ARID1B: variants seen among roughly 807,000 people sequenced by gnomAD.
ARID1B encodes AT-rich interaction domain 1B.
Under a neutral mutation model 212.3 loss-of-function variants are expected in ARID1B, and 30 were observed. The ratio of observed to expected loss-of-function variants is 0.14; its 90% CI spans 0.11 to 0.19. The LOEUF (loss-of-function observed/expected upper bound fraction) is 0.19. ARID1B is among the 10% of genes least tolerant of loss of function. The pLI, the probability that ARID1B is intolerant of heterozygous loss-of-function variation, is 1.00. For missense variants in ARID1B, 2,891 were observed against 3,204.0 expected (o/e 0.90, Z 2.36); for synonymous variants, 1,402 against 1,301.7 (o/e 1.08, Z -1.66).
At position 157,198,926 on chromosome 6, in the gene ARID1B, G is replaced by A. The variant is rs142594004; in HGVS notation, c.4479+19G>A. The A allele has an allele frequency of 2.5e-3, 3,887 of 1,566,502 alleles. 68 individuals are homozygous for A. The African/African-American group carries it at 0.04, about 16-fold the overall frequency. On this transcript the variant is annotated intron_variant, in intron 17 of 19. Transcript: ENST00000636930. ...GCAGCCGGTGAGTTGGCAAGTGGGC[G>A]TGGGGTGCTGTGTTTTCTGGTTCTG...
chr6:156,778,785 T>C lies in ARID1B; in HGVS notation c.1105T>C (p.Ser369Pro). 6.7e-7 allele frequency: 1 copy of C among 1,484,394 alleles called. No homozygotes were observed. The highest frequency in any genetic ancestry group is 1.5e-5 in the African/African-American group (1 of 65,664). 92.0% of individuals were successfully genotyped at this position (1,484,394 alleles called of 1,614,324 possible). A position where few individuals can be genotyped will look rare whatever the true frequency, so the allele number is the denominator to read the frequency against. The part of the protein sequence containing the change: ...APGSMDPLQN[S>P]HEGYPNSQCN... ...CGGCAGCATGGACCCCCTGCAGAACTCCCACGAAGGGTACCCCAACAGCCA... is the reference window on the plus strand; with the variant it reads ...CGGCAGCATGGACCCCCTGCAGAACCCCCACGAAGGGTACCCCAACAGCCA... The change falls in exon 1 of 20, where the codon TCC (serine) becomes CCC (proline). Residue 369 changes from serine to proline, a missense_variant. This residue lies in a region of ARID1B where 1,643 missense variants were observed against 1,544.0 expected (regional missense o/e 1.06). Transcript: ENST00000636930.
intron 4 of ARID1B, among the ~76,000 whole-genome samples, chr6:157,039,866 C>CTTTTCT (rs1205999132): frequency 8.4e-6 from 1 of 118,844 alleles, no homozygotes; most frequent in African/African-American, 3.2e-5. Flanking sequence ...CTTTCTCTCT[C>CTTTTCT]TTTCTCTTTC....
chr6:156,878,946 A>T (rs1786814250), intron 2 of ARID1B, among the ~76,000 whole-genome samples: 1 of 152,218 alleles, frequency 6.6e-6, no homozygotes, highest in African/African-American at 2.4e-5. Flanking sequence ...GAAGTATTGT[A>T]GTGCCATTTT....
chr6:157,113,317 T>A (rs1050940628), intron 6 of ARID1B, among the ~76,000 whole-genome samples: 4 of 152,160 alleles, frequency 2.6e-5, no homozygotes, highest in African/African-American at 7.2e-5. Flanking sequence ...TCTGAAAGAC[T>A]GTGAGAGACA....
intron 6 of ARID1B, among the ~76,000 whole-genome samples, chr6:157,131,496 A>G (rs1419507683): frequency 1.3e-5 from 2 of 151,968 alleles, no homozygotes; most frequent in African/African-American, 2.4e-5. Flanking sequence ...AACGGGGGAG[A>G]GAGGCTTTGC....
At chr6:157,061,982 T>A (rs1453804883) in intron 4 of ARID1B, among the ~76,000 whole-genome samples, 1 of 152,112 alleles carries the variant, frequency 6.6e-6, no homozygotes, top group Non-Finnish European at 1.5e-5. Flanking sequence ...TAATAACCAC[T>A]GAGTTTGCAG....
intron 2 of ARID1B, among the ~76,000 whole-genome samples, chr6:156,846,714 G>A (rs72998909): frequency 0.066 from 10,019 of 152,184 alleles, 358 homozygotes; most frequent in Middle Eastern, 0.11. Context: ...GGCCTGTTAC[G>A]TGTTTTAACT....
chr6:156,993,680 G>A (rs567341159), intron 4 of ARID1B, among the ~76,000 whole-genome samples: 1 of 152,288 alleles, frequency 6.6e-6, no homozygotes, highest in Admixed American at 6.5e-5. Context: ...TTTGAATGTA[G>A]TAGGAATAAT....
chr6:157,189,935 G>A (rs3812234), intron 14 of ARID1B, 103 bp from the exon 15 acceptor site: 1 of 1,579,426 alleles, frequency 6.3e-7, no homozygotes, highest in Non-Finnish European at 8.6e-7. Context: ...ATCTTGAATG[G>A]TTTTTGCATT....
At chr6:156,894,311 G>GGGGGGGA (rs1788213808) in intron 2 of ARID1B, among the ~76,000 whole-genome samples, 1 of 135,506 alleles carries the variant, frequency 7.4e-6, no homozygotes, top group Non-Finnish European at 1.6e-5. Flanking sequence ...GGGGCCGGGG[G>GGGGGGGA]TTGGGATGGG....
chr6:157,012,937 T>TG (rs1027565880), intron 4 of ARID1B, among the ~76,000 whole-genome samples: 34 of 137,256 alleles, frequency 2.5e-4, no homozygotes, highest in Admixed American at 1.5e-3. Context: ...TGGAGTGCAA[T>TG]GGCATGATCT....
chr6:156,966,377 TTTTC>T (rs1562516246), intron 4 of ARID1B, among the ~76,000 whole-genome samples: 188 of 98,184 alleles, frequency 1.9e-3, no homozygotes, highest in African/African-American at 6.9e-3. Context: ...ATAACTTTTC[TTTTC>T]TTTTCTTTTT....
At chr6:157,177,141 A>T (rs1274687866) in intron 11 of ARID1B, among the ~76,000 whole-genome samples, 2 of 152,200 alleles carry the variant, frequency 1.3e-5, no homozygotes, top group Non-Finnish European at 2.9e-5. Context: ...CATATATATG[A>T]TCTCTTCCTG....
intron 1 of ARID1B, among the ~76,000 whole-genome samples, chr6:156,784,888 C>T (rs1484488712): frequency 6.6e-6 from 1 of 152,142 alleles, no homozygotes; most frequent in Non-Finnish European, 1.5e-5. Context: ...GCCCCGCAAG[C>T]AGCTGGGACT....
intron 7 of ARID1B, among the ~76,000 whole-genome samples, chr6:157,147,834 C>G (rs71551111): frequency 1.5e-5 from 1 of 66,748 alleles, no homozygotes; most frequent in Non-Finnish European, 2.9e-5. Flanking sequence ...CCCCCACCCC[C>G]GCCTCCGGCC....
chr6:157,109,492 A>G (rs942331015), intron 5 of ARID1B, among the ~76,000 whole-genome samples: 1 of 152,144 alleles, frequency 6.6e-6, no homozygotes, highest in Non-Finnish European at 1.5e-5. Flanking sequence ...ATAAAATAGC[A>G]TGGTCCTCAT....
intron 4 of ARID1B, among the ~76,000 whole-genome samples, chr6:156,971,709 G>A (rs183930119): frequency 6.6e-5 from 10 of 152,226 alleles, no homozygotes; most frequent in Non-Finnish European, 1.0e-4. Context: ...GTGGTTGCTG[G>A]CATAATTCAT....
At chr6:157,122,467 A>G (rs182096163) in intron 6 of ARID1B, among the ~76,000 whole-genome samples, 1 of 152,360 alleles carries the variant, frequency 6.6e-6, no homozygotes, top group African/African-American at 2.4e-5. Context: ...TCAAACAATT[A>G]TCAAATTGTA....
rs184034018 is a variant in ARID1B, at chr6:156,993,880, G to A, written c.2247+58304G>A. On this transcript the variant is annotated intron_variant, in intron 4 of 19. Coordinates refer to ENST00000636930, the MANE Select transcript of ARID1B (RefSeq NM_001374828.1). ...ATGGAAATTTTAAGTTTATCTCTTC[G>A]TAAAATATATGTCTATCAAACATTT... Among the ~76,000 whole-genome samples the A allele has an allele frequency of 2.5e-3, 385 of 152,158 alleles. 3 individuals are homozygous for A. Among genetic ancestry groups the A allele is most frequent in the African/African-American group, 6.7e-3 (279 of 41,494 alleles).
Sources: allele counts gnomAD v4.1 joint callset (sites outside exome capture counted in the v4.1 genomes callset), GRCh38; gene constraint gnomAD v4.1.1; regional missense constraint gnomAD v4.1.1; transcripts MANE v1.5; gene names NCBI Gene and HGNC (gene_info 2026-07-23, HGNC 2026-07-21).